CD36: variants seen among roughly 807,000 people sequenced by gnomAD.
The protein encoded by CD36 is platelet glycoprotein 4.
CD36 carries 119 observed loss-of-function variants against 55.2 expected under a neutral mutation model. The ratio of observed to expected loss-of-function variants is 2.15; its 90% CI spans 1.86 to 2.51. CD36 has a LOEUF of 2.51. CD36 is among the 30% of genes most tolerant of loss of function. The probability of loss-of-function intolerance (pLI) is 0.00; values close to 1 mark genes in which losing one functional copy is unlikely to be tolerated. For missense variants in CD36, 819 were observed against 555.5 expected (o/e 1.47, Z -4.77); for synonymous variants, 186 against 193.6 (o/e 0.96, Z 0.33).
chr7:80,616,543 G>A (rs776307177), intron 1 of CD36, among the ~76,000 whole-genome samples: 1 of 151,970 alleles, frequency 6.6e-6, no homozygotes. Flanking sequence ...GATTTCTCTA[G>A]AGGAAAGTTA....
chr7:80,655,455 G>T (rs3915268), intron 3 of CD36, among the ~76,000 whole-genome samples: 22 of 152,252 alleles, frequency 1.4e-4, no homozygotes, highest in African/African-American at 5.3e-4. Flanking sequence ...AGTTCCTAAT[G>T]TAGGATTTTT....
intron 1 of CD36, among the ~76,000 whole-genome samples, chr7:80,642,815 G>T (rs1346250074): frequency 1.3e-5 from 2 of 152,118 alleles, no homozygotes; most frequent in African/African-American, 2.4e-5. Context: ...TTGAAGTTTT[G>T]TTAGATTAAT....
At chr7:80,637,020 C>T (rs1794462818), upstream of CD36, 1 of 152,026 alleles carries the variant, frequency 6.6e-6, no homozygotes, top group Admixed American at 6.6e-5. Context: ...TTAATGTCAA[C>T]TTAGGCATCT....
At chr7:80,653,829 T>C (rs983566435) in intron 3 of CD36, among the ~76,000 whole-genome samples, 3 of 152,148 alleles carry the variant, frequency 2.0e-5, no homozygotes, top group African/African-American at 7.2e-5. Context: ...CAGAAGCATA[T>C]TATTACTACT....
At chr7:80,674,795 CCCTATTTTTCTT>C in intron 14 of CD36, among the ~76,000 whole-genome samples, 1 of 151,982 alleles carries the variant, frequency 6.6e-6, no homozygotes, top group East Asian at 1.9e-4. Flanking sequence ...TTTACTTTCT[CCCTATTTTTCTT>C]CAGCCCACCT....
In CD36 at chr7:80,654,967, C is replaced by T. The variant is rs138097247; in HGVS notation, c.121-1573C>T. On this transcript the variant is annotated intron_variant, in intron 3 of 14. Coordinates refer to ENST00000447544, the MANE Select transcript of CD36 (RefSeq NM_001001548.3). ...GATGAGGATTTTTGTCATGAATTCA[C>T]TACTGTTTGCCTAGGCTGTCCTTGG... is the stretch of plus-strand genomic sequence containing the variant. Among the ~76,000 whole-genome samples the T allele has an allele frequency of 1.2e-3, 184 of 151,976 alleles. 1 individual carries two copies. The highest frequency in any genetic ancestry group is 4.1e-3 in the African/African-American group (168 of 41,460).
At chr7:80,643,754 G>A (rs977723000) in intron 1 of CD36, among the ~76,000 whole-genome samples, 1 of 152,096 alleles carries the variant, frequency 6.6e-6, no homozygotes, top group Non-Finnish European at 1.5e-5. Context: ...CTCATTTTAC[G>A]CATGAGGAAA....
rs111478849 is a variant in CD36, at chr7:80,659,357, C to T, written c.282-1706C>T. On this transcript the variant is annotated intron_variant, in intron 4 of 14. Coordinates refer to ENST00000447544, the MANE Select transcript of CD36 (RefSeq NM_001001548.3). ...ACAAGATATGACCTGAATCAAAGCA[C>T]GAAATTGCTTGGGTTGAGATCTTAT... Among the ~76,000 whole-genome samples, 13 of 152,178 alleles carry T rather than the reference C, an allele frequency of 8.5e-5. No individual in the cohort carries two copies. The East Asian group carries it at 2.1e-3, about 25-fold the overall frequency.
intron 1 of CD36, among the ~76,000 whole-genome samples, chr7:80,617,010 T>C (rs1298610766): frequency 6.6e-6 from 1 of 152,182 alleles, no homozygotes; most frequent in East Asian, 1.9e-4. Context: ...TGGCTAAAAC[T>C]AATCAATATT....
intron 1 of CD36, chr7:80,625,045 G>A (rs1036943919): frequency 2.6e-5 from 4 of 152,068 alleles, no homozygotes; most frequent in Admixed American, 1.3e-4. Context: ...TTTCAGGTTA[G>A]ATAATTTAGT....
chr7:80,627,521 T>C (rs1293810344), intron 1 of CD36, among the ~76,000 whole-genome samples: 2 of 151,594 alleles, frequency 1.3e-5, no homozygotes, highest in Non-Finnish European at 2.9e-5. Context: ...AAATGAGCAG[T>C]CCAGAACACT....
At chr7:80,645,877 A>G (rs10225432) in intron 1 of CD36, among the ~76,000 whole-genome samples, 151,318 of 152,214 alleles carry the variant, frequency 0.99, 75,218 homozygotes, top group East Asian at 1. Flanking sequence ...ATCCAAAGTC[A>G]TCAATAAAAC....
chr7:80,660,919 T>G, intron 4 of CD36, 144 bp from the exon 5 acceptor site: 2 of 703,538 alleles, frequency 2.8e-6, no homozygotes, highest in Non-Finnish European at 5.0e-6. Context: ...CCTGGCTGAT[T>G]TCTCATTTTA....
At chr7:80,666,516 A>G (rs1797111799) in intron 8 of CD36, 27 bp downstream of exon 8, 1 of 1,564,256 alleles carries the variant, frequency 6.4e-7, no homozygotes, top group East Asian at 2.2e-5. Context: ...TGTGGTCATC[A>G]CAGTTAATCC....
chr7:80,672,896 T>TTCTTGTA, intron 12 of CD36, 53 bp downstream of exon 12: 1 of 1,154,218 alleles, frequency 8.7e-7, no homozygotes, highest in South Asian at 1.3e-5. Context: ...TCGTAGTATC[T>TTCTTGTA]TCTTGTAAGA....
chr7:80,636,327 A>G (rs920129918), upstream of CD36, among the ~76,000 whole-genome samples: 3 of 152,018 alleles, frequency 2.0e-5, no homozygotes, highest in South Asian at 6.2e-4. Flanking sequence ...TTGATTATGA[A>G]AATGAGAGCA....
At chr7:80,642,917 C>A (rs957380031) in intron 1 of CD36, among the ~76,000 whole-genome samples, 4 of 152,102 alleles carry the variant, frequency 2.6e-5, no homozygotes, top group Non-Finnish European at 5.9e-5. Context: ...CTTGATACTT[C>A]TGTTTTCTAA....
In CD36 at chr7:80,679,256, A is replaced by C. The variant is rs1360363442; in HGVS notation, c.*2873A>C. The C allele has an allele frequency of 6.6e-6, 1 of 152,062 alleles. No individual in the cohort carries two copies. Among genetic ancestry groups the C allele is most frequent in the Non-Finnish European group, 1.5e-5 (1 of 68,002 alleles). 9.4% of individuals were successfully genotyped at this position (152,062 alleles called of 1,614,324 possible). Reference sequence around the variant, plus strand: ...TTTTAAAATATTTGTGAAAATAAAAACTTTTGTTATTAGAAAAATGATTTT... The same window carrying C: ...TTTTAAAATATTTGTGAAAATAAAACCTTTTGTTATTAGAAAAATGATTTT... On this transcript the variant is annotated 3_prime_UTR_variant, in exon 15 of 15. Transcript: ENST00000447544.
chr7:80,619,161 T>G (rs973978026), intron 1 of CD36, among the ~76,000 whole-genome samples: 16 of 152,190 alleles, frequency 1.1e-4, no homozygotes, highest in African/African-American at 3.9e-4. Context: ...CAACAAAGCC[T>G]GGATGCCAGC....
Sources: gnomAD v4.1 joint callset for allele counts (sites outside exome capture counted in the v4.1 genomes callset) on GRCh38, gnomAD v4.1.1 for gene constraint, MANE v1.5 for transcripts, NCBI Gene and HGNC (gene_info 2026-07-23, HGNC 2026-07-21) for gene names.